FUNDC2: variants seen among roughly 807,000 people sequenced by gnomAD.
FUNDC2 encodes FUN14 domain containing 2.
A neutral mutation model predicts 15.6 loss-of-function variants in FUNDC2; 4 were observed. That is an observed-to-expected ratio of 0.26 (90% CI 0.13 to 0.59). The LOEUF is 0.59. FUNDC2 is among the 20% of genes least tolerant of loss of function. The probability of loss-of-function intolerance (pLI) is 0.90; values close to 1 mark genes in which losing one functional copy is unlikely to be tolerated. For synonymous variants in FUNDC2, 44 were observed against 56.9 expected (o/e 0.77, Z 1.02); for missense variants, 98 against 149.7 (o/e 0.65, Z 1.80).
At chrX:155,027,110 C>G (rs1486899924) in intron 1 of FUNDC2, 39 bp downstream of exon 1, 7 of 1,077,067 alleles carry the variant, frequency 6.5e-6, no homozygotes. Flanking sequence ...CCGCGGGGAG[C>G]CGCCTTCCTG....
At chrX:155,032,360 C>T (rs1193504202) in intron 1 of FUNDC2, among the ~76,000 whole-genome samples, 4 of 98,933 alleles carry the variant, frequency 4.0e-5, no homozygotes, top group African/African-American at 7.6e-5. Flanking sequence ...GATCTTGGCT[C>T]ACCGCAACCT....
At chrX:155,038,276 C>T (rs368545685) in intron 2 of FUNDC2, among the ~76,000 whole-genome samples, 2 of 111,097 alleles carry the variant, frequency 1.8e-5, no homozygotes, top group African/African-American at 6.6e-5. Flanking sequence ...TTATTTGTGG[C>T]GTACATGATG....
chrX:155,047,943 G>A (rs1446937322), intron 3 of FUNDC2, among the ~76,000 whole-genome samples: 1 of 110,983 alleles, frequency 9.0e-6, no homozygotes, highest in Non-Finnish European at 1.9e-5. Context: ...CTCCCTGCAA[G>A]GTGGGGCCCC....
At chrX:155,051,822 G>A (rs201227808) in intron 4 of FUNDC2, 21 bp downstream of exon 4, 4 of 1,205,354 alleles carry the variant, frequency 3.3e-6, no homozygotes, top group Non-Finnish European at 4.5e-6. Flanking sequence ...CATTGTTCAC[G>A]TGTAGTGTGT....
intron 2 of FUNDC2, among the ~76,000 whole-genome samples, chrX:155,035,918 T>TGG (rs1167314592): frequency 8.9e-6 from 1 of 112,576 alleles, no homozygotes; most frequent in Non-Finnish European, 1.9e-5. Context: ...CCACCTTTGA[T>TGG]GGACATTTGA....
chrX:155,037,493 A>T (rs1038476628), intron 2 of FUNDC2, among the ~76,000 whole-genome samples: 3 of 110,378 alleles, frequency 2.7e-5, no homozygotes, highest in African/African-American at 6.6e-5. Context: ...ATATTTATTT[A>T]TTTTTTTTGA....
At chrX:155,045,440 A>G (rs1316231548) in intron 2 of FUNDC2, among the ~76,000 whole-genome samples, 1 of 112,102 alleles carries the variant, frequency 8.9e-6, no homozygotes, top group Non-Finnish European at 1.9e-5. Context: ...GTCTATATGT[A>G]TCCCATAACA....
At chrX:155,027,650 ATCATTGAAAACTCAATCAT>A (rs2124181397) in intron 1 of FUNDC2, among the ~76,000 whole-genome samples, 1 of 112,402 alleles carries the variant, frequency 8.9e-6, no homozygotes, top group East Asian at 2.8e-4. Context: ...AAACAGAGCC[ATCATTGAAAACTCAATCAT>A]ATAAACGTAA....
intron 2 of FUNDC2, among the ~76,000 whole-genome samples, chrX:155,033,884 ACT>A (rs1557288950): frequency 1.8e-5 from 2 of 112,462 alleles, no homozygotes; most frequent in Non-Finnish European, 3.8e-5. Flanking sequence ...ATAGCTGGTA[ACT>A]GGTAGAATAA....
At chrX:155,043,800 C>T (rs2073854513) in intron 2 of FUNDC2, among the ~76,000 whole-genome samples, 1 of 111,923 alleles carries the variant, frequency 8.9e-6, no homozygotes, top group South Asian at 3.8e-4. Context: ...AGAGTCGCTT[C>T]AGAAATATAC....
intron 2 of FUNDC2, among the ~76,000 whole-genome samples, 181 bp from the exon 3 acceptor site, chrX:155,046,328 A>G (rs782809671): frequency 3.6e-5 from 4 of 111,909 alleles, no homozygotes; most frequent in Non-Finnish European, 5.6e-5. Context: ...CAAGACCACA[A>G]GATTCATAGA....
intron 2 of FUNDC2, among the ~76,000 whole-genome samples, chrX:155,041,791 G>A (rs1308214024): frequency 7.2e-5 from 8 of 110,765 alleles, no homozygotes; most frequent in Admixed American, 2.9e-4. Context: ...CCTCTAGGTC[G>A]GGCATGGTGG....
chrX:155,042,173 A>ATTTT (rs2073849188), intron 2 of FUNDC2, among the ~76,000 whole-genome samples: 1 of 58,698 alleles, frequency 1.7e-5, no homozygotes, highest in African/African-American at 7.6e-5. Context: ...TTCTTTTTCT[A>ATTTT]TCTTTTTTTT....
In FUNDC2 at chrX:155,057,754, G is replaced by C. The variant is rs782653162; in HGVS notation, c.*3082G>C. On this transcript the variant is annotated 3_prime_UTR_variant, in exon 5 of 5. Transcript: ENST00000369498. ...TGACCCAGCGTCTCTCCCGCAATGGGACCTGGTGGGATGGGGACTTGGAGC... is the reference window on the plus strand; with the variant it reads ...TGACCCAGCGTCTCTCCCGCAATGGCACCTGGTGGGATGGGGACTTGGAGC... The C allele has an allele frequency of 9.0e-6, 1 of 111,611 alleles. No homozygotes were observed. Among genetic ancestry groups the C allele is most frequent in the East Asian group, 2.8e-4 (1 of 3,543 alleles). 9.2% of individuals were successfully genotyped at this position (111,611 alleles called of 1,213,427 possible).
At position 155,043,950 on chromosome X, in the gene FUNDC2, A is replaced by G. The variant is rs1243684938; in HGVS notation, c.285-2559A>G. 2.7e-5 allele frequency among the ~76,000 whole-genome samples: 3 copies of G among 112,339 alleles called. No homozygotes were observed. The Admixed American group carries it at 2.8e-4, about 11-fold the overall frequency. The stretch of plus-strand genomic sequence containing the variant: ...AGTAGACAATGAGGGTAGTGAGGTA[A>G]TGGGAGACAAGATGTTAAGTGTAAG... On this transcript the variant is annotated intron_variant, in intron 2 of 4. Transcript: ENST00000369498.
In FUNDC2 at chrX:155,041,394, A is replaced by G. The variant is rs782473080; in HGVS notation, c.285-5115A>G. Among the ~76,000 whole-genome samples the G allele has an allele frequency of 6.2e-5, 7 of 112,042 alleles. No homozygotes were observed. In the East Asian group the frequency reaches 2.0e-3, roughly 31 times the overall value. On this transcript the variant is annotated intron_variant, in intron 2 of 4. Coordinates refer to ENST00000369498, the MANE Select transcript of FUNDC2 (RefSeq NM_023934.4). The stretch of plus-strand genomic sequence containing the variant: ...ATTTTTATAGTTTTTAATAACAAGA[A>G]GGAAGCCTTTCACATTTTACTCCAT...
intron 2 of FUNDC2, among the ~76,000 whole-genome samples, chrX:155,043,909 G>C (rs2073854865): frequency 8.9e-6 from 1 of 112,313 alleles, no homozygotes; most frequent in South Asian, 3.7e-4. Flanking sequence ...GAGCTGAAAT[G>C]TAATAAGGGG....
intron 3 of FUNDC2, chrX:155,047,363 C>T (rs1557290119): frequency 2.9e-5 from 10 of 342,339 alleles, no homozygotes; most frequent in South Asian, 2.3e-4. Flanking sequence ...TTGTCTCTTC[C>T]CACAGTTGGC....
intron 1 of FUNDC2, among the ~76,000 whole-genome samples, chrX:155,027,888 C>T: frequency 8.9e-6 from 1 of 111,835 alleles, no homozygotes; most frequent in African/African-American, 3.3e-5. Context: ...TAATGTCATG[C>T]TCACGATGAA....
Sources: allele counts gnomAD v4.1 joint callset (sites outside exome capture counted in the v4.1 genomes callset), GRCh38; gene constraint gnomAD v4.1.1; transcripts MANE v1.5; gene names NCBI Gene and HGNC (gene_info 2026-07-23, HGNC 2026-07-21).